Variants in SFI1 observed in about 807,000 individuals in gnomAD.
The protein encoded by SFI1 is SFI1 centrin binding protein.
Under a neutral mutation model 207.5 loss-of-function variants are expected in SFI1, and 195 were observed. The observed-to-expected ratio is 0.94, with a 90% CI of 0.84 to 1.06. SFI1 has a LOEUF of 1.06. SFI1 is among the 50% of genes least tolerant of loss of function. The probability of loss-of-function intolerance (pLI) is 0.00; values close to 1 mark genes in which losing one functional copy is unlikely to be tolerated. For missense variants in SFI1, 1,634 were observed against 1,588.0 expected, an observed-to-expected ratio of 1.03 and a Z score of -0.49; for synonymous variants, 630 against 598.9, an observed-to-expected ratio of 1.05 and a Z score of -0.76.
chr22:31,594,456 G>A (rs1382080523), intron 15 of SFI1, among the ~76,000 whole-genome samples: 2 of 151,018 alleles, frequency 1.3e-5, no homozygotes, highest in Non-Finnish European at 2.9e-5. Context: ...GCTGAGGCAG[G>A]AGAATTGCTT....
rs1755109581 is a variant in SFI1, at chr22:31,615,169, C to T, written c.3190C>T (p.Leu1064=). Residue 1064 remains leucine, a synonymous_variant, in exon 29 of 33, where the codon CTG becomes TTG. Transcript: ENST00000400288. ...CCCACACAGCCCCCTGCCTGGGGCC[C>T]TGTCAAGCGCCCCTGGCCCGAAGCA... The part of the protein sequence containing the change: ...LVPHSPLPGA[L]SSAPGPKQPP... 3 of 1,604,928 alleles carry T rather than the reference C, an allele frequency of 1.9e-6. No homozygotes were observed. The East Asian group carries it at 6.7e-5, about 36-fold the overall frequency.
At chr22:31,563,767 T>TA (rs201532739) in intron 8 of SFI1, among the ~76,000 whole-genome samples, 6,948 of 151,854 alleles carry the variant, frequency 0.046, 140 homozygotes, top group African/African-American at 0.054. Context: ...GTATTTTTGA[T>TA]AGAGACGGGG....
intron 4 of SFI1, among the ~76,000 whole-genome samples, chr22:31,535,250 C>T (rs1287678902): frequency 1.4e-5 from 2 of 147,536 alleles, no homozygotes; most frequent in Non-Finnish European, 3.0e-5. Context: ...AGTGCAATGA[C>T]GCGATCTCGG....
At chr22:31,547,285 A>T (rs2060177842) in intron 5 of SFI1, among the ~76,000 whole-genome samples, 1 of 152,058 alleles carries the variant, frequency 6.6e-6, no homozygotes, top group Non-Finnish European at 1.5e-5. Context: ...TCATTCTGAA[A>T]GTATTCTGGG....
At chr22:31,592,833 C>T (rs1216975874) in intron 15 of SFI1, among the ~76,000 whole-genome samples, 3 of 130,846 alleles carry the variant, frequency 2.3e-5, no homozygotes, top group Admixed American at 1.4e-4. Context: ...CCCTCCCGGA[C>T]GGGGCGGCTG....
At chr22:31,586,769 G>A (rs937634066) in intron 14 of SFI1, among the ~76,000 whole-genome samples, 1 of 152,140 alleles carries the variant, frequency 6.6e-6, no homozygotes, top group Non-Finnish European at 1.5e-5. Context: ...CCTGGAAAAC[G>A]AGCACTCCCC....
rs779128881 is a variant in SFI1 at position 31,550,251 on chromosome 22, C to A, written c.450-3C>A. On this transcript the variant is annotated splice_polypyrimidine_tract_variant and splice_region_variant and intron_variant, in intron 5 of 32. Coordinates refer to ENST00000400288, the MANE Select transcript of SFI1 (RefSeq NM_001007467.3). ...ATGCCATTTACTTTTTTTGGCTCCT[C>A]AGGTATTACCTGTACAACCTGATGT... 1 of 1,611,384 alleles carries A rather than the reference C, an allele frequency of 6.2e-7. No homozygotes were observed. Among genetic ancestry groups the A allele is most frequent in the South Asian group, 1.1e-5 (1 of 90,456 alleles).
In SFI1 at chr22:31,531,151, A is replaced by G. The variant is rs761334531; in HGVS notation, c.338+22A>G. ...CCAGGTAGTATTAGCTCAGAACAAC[A>G]TAATTGTGTTGAGTTCATTCTAGGG... On this transcript the variant is annotated intron_variant, in intron 4 of 32. Coordinates refer to ENST00000400288, the MANE Select transcript of SFI1 (RefSeq NM_001007467.3). 1.0e-4 allele frequency: 165 copies of G among 1,581,910 alleles called. 1 individual carries two copies. In the South Asian group the frequency reaches 1.8e-3, roughly 18 times the overall value.
intron 2 of SFI1, among the ~76,000 whole-genome samples, chr22:31,511,512 A>T (rs1222715888): frequency 1.5e-5 from 2 of 129,254 alleles, no homozygotes; most frequent in African/African-American, 2.9e-5. Flanking sequence ...TCTGTCGCTC[A>T]GGTTGGAGTG....
chr22:31,610,934 T>A (rs1351785701), intron 22 of SFI1, among the ~76,000 whole-genome samples: 1 of 152,176 alleles, frequency 6.6e-6, no homozygotes, highest in East Asian at 1.9e-4. Context: ...CAGATCTGGT[T>A]CCAGTCCCCG....
intron 2 of SFI1, among the ~76,000 whole-genome samples, chr22:31,514,250 A>G (rs896324240): frequency 6.6e-6 from 1 of 151,842 alleles, no homozygotes; most frequent in Admixed American, 6.6e-5. Context: ...TCATGCCTGT[A>G]ATCCCAGCAC....
intron 19 of SFI1, 186 bp downstream of exon 19, chr22:31,604,590 T>C: frequency 1.7e-6 from 1 of 599,834 alleles, no homozygotes; most frequent in South Asian, 2.2e-5. Flanking sequence ...CTTGGCCAAG[T>C]GGAAACAAGT....
chr22:31,531,024 T>C (rs763017101), intron 3 of SFI1, 34 bp from the exon 4 acceptor site: 45 of 1,586,320 alleles, frequency 2.8e-5, no homozygotes, highest in Middle Eastern at 3.3e-4. Context: ...AATGGAATTT[T>C]AAAATATGTA....
intron 2 of SFI1, among the ~76,000 whole-genome samples, chr22:31,511,696 C>T (rs1488503524): frequency 6.6e-6 from 1 of 152,002 alleles, no homozygotes; most frequent in East Asian, 1.9e-4. Flanking sequence ...CTCTGTTGCC[C>T]AGGCTGGAGT....
rs114247155 is a variant in SFI1 at position 31,537,888 on chromosome 22, A to G, written c.338+6759A>G. ...GAGTTATTTATTTCTCAATTTTAGG[A>G]GTGTTAGGCGGGAATAATATCATAC... On this transcript the variant is annotated intron_variant, in intron 4 of 32. Transcript: ENST00000400288. 7.8e-3 allele frequency among the ~76,000 whole-genome samples: 1,188 copies of G among 152,196 alleles called. 16 individuals are homozygous for G. The highest frequency in any genetic ancestry group is 0.027 in the African/African-American group (1,126 of 41,518).
chr22:31,500,912 G>C (rs1601771168), intron 1 of SFI1, among the ~76,000 whole-genome samples: 1 of 151,102 alleles, frequency 6.6e-6, no homozygotes, highest in African/African-American at 2.4e-5. Context: ...CAATTCTCCT[G>C]CCTCAGCCTC....
At chr22:31,533,240 T>C (rs2058686983) in intron 4 of SFI1, among the ~76,000 whole-genome samples, 1 of 152,086 alleles carries the variant, frequency 6.6e-6, no homozygotes, top group Non-Finnish European at 1.5e-5. Context: ...TAAGTTTTAG[T>C]GTTCGGGCCG....
intron 4 of SFI1, among the ~76,000 whole-genome samples, chr22:31,531,684 G>A (rs1321451616): frequency 4.0e-5 from 6 of 151,744 alleles, no homozygotes; most frequent in East Asian, 1.9e-4. Flanking sequence ...ACCTGACATC[G>A]GGAGTTTGAG....
At chr22:31,535,717 T>C (rs981907413) in intron 4 of SFI1, among the ~76,000 whole-genome samples, 4 of 152,092 alleles carry the variant, frequency 2.6e-5, no homozygotes, top group Admixed American at 2.0e-4. Flanking sequence ...GAAATTAGTT[T>C]TCCTGAATTT....
Sources: allele counts gnomAD v4.1 joint callset (sites outside exome capture counted in the v4.1 genomes callset), GRCh38; gene constraint gnomAD v4.1.1; transcripts MANE v1.5; gene names NCBI Gene and HGNC (gene_info 2026-07-23, HGNC 2026-07-21).